TENM4: variants seen among roughly 807,000 people sequenced by gnomAD.
The protein encoded by TENM4 is teneurin-4.
TENM4 carries 82 observed loss-of-function variants against 243.3 expected under a neutral mutation model. The observed-to-expected ratio is 0.34, with a 90% CI of 0.28 to 0.40. The LOEUF is 0.40. TENM4 is among the 10% of genes least tolerant of loss of function. The probability of loss-of-function intolerance (pLI) is 1.00; values close to 1 mark genes in which losing one functional copy is unlikely to be tolerated. For missense variants in TENM4, 3,138 were observed against 3,673.3 expected (o/e 0.85, Z 3.77); for synonymous variants, 1,412 against 1,456.3 (o/e 0.97, Z 0.69).
intron 6 of TENM4, among the ~76,000 whole-genome samples, chr11:79,026,217 T>TG (rs1440914702): frequency 6.7e-6 from 1 of 149,974 alleles, no homozygotes; most frequent in East Asian, 2.1e-4. Context: ...CAGTCCTACA[T>TG]GACCCTGGGT....
intron 4 of TENM4, among the ~76,000 whole-genome samples, chr11:79,072,423 G>A (rs1230020133): frequency 6.6e-6 from 1 of 151,534 alleles, no homozygotes; most frequent in Non-Finnish European, 1.5e-5. Context: ...GGAGGTCAAG[G>A]CTATAGTGAG....
chr11:79,253,277 G>A (rs935149215), intron 2 of TENM4, among the ~76,000 whole-genome samples: 3 of 152,160 alleles, frequency 2.0e-5, no homozygotes, highest in Admixed American at 1.3e-4. Flanking sequence ...CCTGACCACC[G>A]TAAGGCCTGA....
intron 1 of TENM4, among the ~76,000 whole-genome samples, chr11:79,324,128 T>C (rs1349591402): frequency 1.3e-5 from 2 of 152,236 alleles, no homozygotes; most frequent in Admixed American, 1.3e-4. Context: ...TAATGCCTAA[T>C]ATAATGTAAA....
intron 3 of TENM4, among the ~76,000 whole-genome samples, chr11:79,158,494 C>T (rs139601388): frequency 1.3e-3 from 197 of 152,264 alleles, no homozygotes; most frequent in Non-Finnish European, 2.4e-3. Flanking sequence ...ATAGCACAAC[C>T]CTTGCATTGG....
At chr11:78,701,332 A>C (rs1035884722) in intron 28 of TENM4, among the ~76,000 whole-genome samples, 194 bp downstream of exon 28, 2 of 152,180 alleles carry the variant, frequency 1.3e-5, no homozygotes, top group Non-Finnish European at 2.9e-5. Flanking sequence ...TCTGACTCCA[A>C]AGCTTATGCC....
chr11:78,801,843 T>C lies in TENM4; in HGVS notation c.2179+3449A>G, dbSNP rs149915086. ...GGCAGTGTCTGTGCCAGCTCTGCCA[T>C]GCCAGGCAGCAAGCAGCATAAGCAA... On this transcript the variant is annotated intron_variant, in intron 15 of 33. Transcript: ENST00000278550. 4.5e-3 allele frequency among the ~76,000 whole-genome samples: 689 copies of C among 152,322 alleles called. 1 individual carries two copies. Among genetic ancestry groups the C allele is most frequent in the Non-Finnish European group, 8.6e-3 (582 of 68,024 alleles).
chr11:79,230,209 C>T (rs1200316771), intron 2 of TENM4, among the ~76,000 whole-genome samples: 1 of 152,214 alleles, frequency 6.6e-6, no homozygotes, highest in African/African-American at 2.4e-5. Flanking sequence ...TCAGGACACG[C>T]TGGTCATCCT....
chr11:78,702,489 T>A, intron 27 of TENM4, 86 bp from the exon 28 acceptor site: 2 of 1,491,212 alleles, frequency 1.3e-6, no homozygotes, highest in Non-Finnish European at 1.8e-6. Context: ...CATAACAGTG[T>A]CCAAAGTGGC....
Position 79,123,599 on chromosome 11 carries a change from C to CCTT in TENM4, c.-66+25110_-66+25111insAAG, listed in dbSNP as rs1555012889. Among the ~76,000 whole-genome samples the CCTT allele has an allele frequency of 2.9e-3, 423 of 143,762 alleles. 4 individuals carry two copies. The highest frequency in any genetic ancestry group is 9.9e-3 in the African/African-American group (391 of 39,440). 94.3% of individuals were successfully genotyped at this position (143,762 alleles called of 152,430 possible). A position where few individuals can be genotyped will look rare whatever the true frequency, so the allele number is the denominator to read the frequency against. On this transcript the variant is annotated intron_variant, in intron 4 of 33. Coordinates refer to ENST00000278550, the MANE Select transcript of TENM4 (RefSeq NM_001098816.3). ...TCTCTCCAGACAAACGCAGTAGCCCCTTTTTTTTTTTTTTTTATTAAGAAT... is the reference window on the plus strand; with the variant it reads ...TCTCTCCAGACAAACGCAGTAGCCCCCTTTTTTTTTTTTTTTTTTATTAAGAAT...
At chr11:79,283,218 A>G (rs1028908179) in intron 2 of TENM4, among the ~76,000 whole-genome samples, 1 of 118,616 alleles carries the variant, frequency 8.4e-6, no homozygotes, top group African/African-American at 4.1e-5. Context: ...ACACAAACAC[A>G]CACACACACA....
At chr11:79,350,194 C>T (rs796789804) in intron 1 of TENM4, among the ~76,000 whole-genome samples, 18 of 152,306 alleles carry the variant, frequency 1.2e-4, no homozygotes, top group African/African-American at 4.3e-4. Flanking sequence ...GGCTGCTTCT[C>T]CAGTACACAC....
chr11:79,352,424 C>T (rs1368108536), intron 1 of TENM4, among the ~76,000 whole-genome samples: 2 of 152,180 alleles, frequency 1.3e-5, no homozygotes, highest in African/African-American at 4.8e-5. Context: ...CCTCTGCTGC[C>T]CCAATCATGC....
intron 14 of TENM4, among the ~76,000 whole-genome samples, chr11:78,809,651 A>G (rs1278487713): frequency 1.3e-5 from 2 of 152,070 alleles, no homozygotes; most frequent in Non-Finnish European, 2.9e-5. Context: ...GGTGGAAGGG[A>G]GTGGTGATGA....
chr11:78,937,590 T>C (rs1436157332), intron 6 of TENM4, among the ~76,000 whole-genome samples: 3 of 152,188 alleles, frequency 2.0e-5, no homozygotes, highest in Admixed American at 2.0e-4. Context: ...AGGTGTTAAA[T>C]AAAATTTATA....
intron 6 of TENM4, among the ~76,000 whole-genome samples, chr11:78,988,035 T>G (rs538477466): frequency 6.6e-6 from 1 of 152,330 alleles, no homozygotes; most frequent in African/African-American, 2.4e-5. Flanking sequence ...TTCACGCCCT[T>G]GTATAATTCA....
In TENM4 at chr11:78,656,997, C is replaced by T. The variant is rs1050949980; in HGVS notation, c.*1061G>A. ...CCACATTCCTACGTCTCAGTGGTGG[C>T]GGCTGAGTGGTGGAGGGAAGATACT... On this transcript the variant is annotated 3_prime_UTR_variant, in exon 34 of 34. Coordinates refer to ENST00000278550, the MANE Select transcript of TENM4 (RefSeq NM_001098816.3). The T allele has an allele frequency of 7.0e-5, 28 of 398,466 alleles. No homozygotes were observed. The highest frequency in any genetic ancestry group is 1.1e-4 in the Non-Finnish European group (24 of 226,080). 24.7% of individuals were successfully genotyped at this position (398,466 alleles called of 1,614,324 possible).
At chr11:78,673,200 G>T (rs1475116065) in intron 30 of TENM4, among the ~76,000 whole-genome samples, 1 of 152,098 alleles carries the variant, frequency 6.6e-6, no homozygotes, top group East Asian at 1.9e-4. Context: ...GTAGTGGTAG[G>T]TTAGGGTTTT....
At chr11:79,001,881 A>T (rs917508991) in intron 6 of TENM4, among the ~76,000 whole-genome samples, 2 of 152,098 alleles carry the variant, frequency 1.3e-5, no homozygotes, top group African/African-American at 2.4e-5. Context: ...GCTCCAGCAG[A>T]ACATCCCCTG....
chr11:78,870,511 G>A (rs748376348), intron 9 of TENM4, among the ~76,000 whole-genome samples: 1 of 152,174 alleles, frequency 6.6e-6, no homozygotes, highest in Non-Finnish European at 1.5e-5. Context: ...CTACGTGGGG[G>A]TAATTTTTAA....
Sources: gnomAD v4.1 joint callset for allele counts (sites outside exome capture counted in the v4.1 genomes callset) on GRCh38, gnomAD v4.1.1 for gene constraint, MANE v1.5 for transcripts, NCBI Gene and HGNC (gene_info 2026-07-23, HGNC 2026-07-21) for gene names.